The following PRKN variants were observed in gnomAD, a reference collection of about 807,000 sequenced individuals.
The protein encoded by PRKN is parkin RBR E3 ubiquitin protein ligase.
PRKN carries 56 observed loss-of-function variants against 59.5 expected under a neutral mutation model. That is an observed-to-expected ratio of 0.94 (90% CI 0.76 to 1.18). The LOEUF (loss-of-function observed/expected upper bound fraction) is 1.18. Among genes scored for constraint, PRKN ranks in the 50% most tolerant of loss-of-function variants. The pLI, the probability that PRKN is intolerant of heterozygous loss-of-function variation, is 0.00. For synonymous variants in PRKN, 250 were observed against 222.1 expected (o/e 1.13, Z -1.12); for missense variants, 657 against 596.4 (o/e 1.10, Z -1.06).
Position 161,352,820 on chromosome 6 carries a change from G to A in PRKN, c.1286-2609C>T, listed in dbSNP as rs181648589. ...TTTTGAGATGGAGTCTCGCTCTGTC[G>A]CCCAGGCTGGAGTACAGGGCGCGAT... On this transcript the variant is annotated intron_variant, in intron 11 of 11. Transcript: ENST00000366898. The surrounding 1 kb of genome is among the most constrained non-coding windows in gnomAD (Gnocchi z 5.8). Among the ~76,000 whole-genome samples, 42 of 148,376 alleles carry A rather than the reference G, an allele frequency of 2.8e-4. No individual in the cohort carries two copies. The highest frequency in any genetic ancestry group is 9.7e-4 in the African/African-American group (39 of 40,028).
At chr6:161,660,760 C>T (rs907272680) in intron 7 of PRKN, among the ~76,000 whole-genome samples, 4 of 152,162 alleles carry the variant, frequency 2.6e-5, no homozygotes, top group South Asian at 2.1e-4. Flanking sequence ...ATGTCCTTCC[C>T]GATCTCATCC....
chr6:162,298,556 A>G (rs1387125689), intron 2 of PRKN, among the ~76,000 whole-genome samples: 1 of 152,000 alleles, frequency 6.6e-6, no homozygotes, highest in Non-Finnish European at 1.5e-5. Context: ...AGTACTAATG[A>G]AGATATTTCC....
intron 3 of PRKN, among the ~76,000 whole-genome samples, chr6:162,217,074 T>C (rs1777709094): frequency 6.6e-6 from 1 of 152,182 alleles, no homozygotes; most frequent in African/African-American, 2.4e-5. Flanking sequence ...TAAATGTATA[T>C]GCTCAACTAA....
intron 7 of PRKN, among the ~76,000 whole-genome samples, chr6:161,664,654 G>A (rs1425167898): frequency 6.6e-6 from 1 of 152,018 alleles, no homozygotes; most frequent in Admixed American, 6.5e-5. Flanking sequence ...ACTGGCAGAT[G>A]GATTTTTTTC....
intron 6 of PRKN, among the ~76,000 whole-genome samples, chr6:161,852,367 C>T (rs1169053156): frequency 6.6e-6 from 1 of 152,014 alleles, no homozygotes; most frequent in African/African-American, 2.4e-5. Flanking sequence ...GCGGGAGGAT[C>T]ACTTGAACCC....
rs1787332607 is a variant in PRKN at position 161,407,493 on chromosome 6, C to A, written c.1084-20616G>T. On this transcript the variant is annotated intron_variant, in intron 9 of 11. Transcript: ENST00000366898. The surrounding 1 kb of genome is among the most constrained non-coding windows in gnomAD (Gnocchi z 4.9). ...AGTGGCTTGACCAAAGAAAGAAAAGCTCCATCATACTACCATTGTAAACAT... is the reference window on the plus strand; with the variant it reads ...AGTGGCTTGACCAAAGAAAGAAAAGATCCATCATACTACCATTGTAAACAT... 6.6e-6 allele frequency among the ~76,000 whole-genome samples: 1 copy of A among 152,078 alleles called. No individual in the cohort carries two copies. Among genetic ancestry groups the A allele is most frequent in the Non-Finnish European group, 1.5e-5 (1 of 68,018 alleles).
At chr6:162,591,118 G>T (rs902808307) in intron 1 of PRKN, among the ~76,000 whole-genome samples, 1 of 152,124 alleles carries the variant, frequency 6.6e-6, no homozygotes, top group Non-Finnish European at 1.5e-5. Flanking sequence ...ACAAGCCCCA[G>T]ATGGTTGTTA....
chr6:161,601,686 C>T (rs1427364791), intron 7 of PRKN, among the ~76,000 whole-genome samples: 1 of 151,546 alleles, frequency 6.6e-6, no homozygotes, highest in South Asian at 2.1e-4. Flanking sequence ...AGGTTCACGC[C>T]ATTCTCCTGC....
At chr6:161,935,774 G>A (rs193191250) in intron 6 of PRKN, among the ~76,000 whole-genome samples, 5 of 152,278 alleles carry the variant, frequency 3.3e-5, no homozygotes, top group Non-Finnish European at 7.3e-5. Context: ...TAGAAGGGAT[G>A]AGATGATGTT....
At chr6:161,804,616 A>C (rs1444807641) in intron 6 of PRKN, among the ~76,000 whole-genome samples, 1 of 152,260 alleles carries the variant, frequency 6.6e-6, no homozygotes, top group African/African-American at 2.4e-5. Flanking sequence ...GACAAGGTTG[A>C]CAATTCATAG....
rs1791842772 is a variant in PRKN at position 162,473,202 on chromosome 6, A to G, written c.8-29729T>C. Among the ~76,000 whole-genome samples, 2 of 152,196 alleles carry G rather than the reference A, an allele frequency of 1.3e-5. 1 individual carries two copies. The highest frequency in any genetic ancestry group is 2.9e-5 in the Non-Finnish European group (2 of 68,052). Reference sequence around the variant, plus strand: ...AGCCTTTCCCTTTGCTAGGATGCTTACCACAACTGGATATTTCAAGTATGG... The same window carrying G: ...AGCCTTTCCCTTTGCTAGGATGCTTGCCACAACTGGATATTTCAAGTATGG... On this transcript the variant is annotated intron_variant, in intron 1 of 11. Transcript: ENST00000366898.
intron 2 of PRKN, among the ~76,000 whole-genome samples, chr6:162,350,313 T>C (rs1482800560): frequency 6.6e-6 from 1 of 152,144 alleles, no homozygotes; most frequent in African/African-American, 2.4e-5. Flanking sequence ...CTAATCAAAA[T>C]CACAACAGGC....
intron 2 of PRKN, among the ~76,000 whole-genome samples, chr6:162,422,954 CAAAAAAA>C (rs61557917): frequency 4.6e-5 from 3 of 65,700 alleles, no homozygotes; most frequent in Non-Finnish European, 8.5e-5. Flanking sequence ...TCCAAGAGAC[CAAAAAAA>C]AAAAAAAAAA....
intron 2 of PRKN, among the ~76,000 whole-genome samples, chr6:162,359,405 A>T (rs927383777): frequency 2.6e-5 from 4 of 152,064 alleles, no homozygotes; most frequent in African/African-American, 4.8e-5. Context: ...ATGTTAACTC[A>T]CCTTGTCCAA....
chr6:162,442,272 T>A (rs1486812568), intron 2 of PRKN, among the ~76,000 whole-genome samples: 1 of 152,208 alleles, frequency 6.6e-6, no homozygotes, highest in African/African-American at 2.4e-5. Context: ...GGACTTTGTG[T>A]ACTCTGACCC....
In PRKN at chr6:161,525,572, G is replaced by C; in HGVS notation, c.1083+23282C>G. Among the ~76,000 whole-genome samples the C allele has an allele frequency of 6.6e-6, 1 of 152,172 alleles. No individual in the cohort carries two copies. The highest frequency in any genetic ancestry group is 1.9e-4 in the East Asian group (1 of 5,196). ...GAAGGAAAAATGATCAGAAAGCAAA[G>C]AGAGGAAAAGTTTAGTTTATGAGAA... On this transcript the variant is annotated intron_variant, in intron 9 of 11. Coordinates refer to ENST00000366898, the MANE Select transcript of PRKN (RefSeq NM_004562.3). This position sits in a 1 kb window ranked among gnomAD's most constrained non-coding sequence, Gnocchi z 4.7.
chr6:162,545,565 G>T (rs1344643477), intron 1 of PRKN, among the ~76,000 whole-genome samples: 1 of 152,090 alleles, frequency 6.6e-6, no homozygotes, highest in African/African-American at 2.4e-5. Context: ...GCTTGATACA[G>T]CGGTCATATT....
At chr6:162,645,732 T>C (rs2012428) in intron 1 of PRKN, among the ~76,000 whole-genome samples, 93,173 of 151,978 alleles carry the variant, frequency 0.61, 29,296 homozygotes, top group African/African-American at 0.75. Flanking sequence ...ACTGATGAGA[T>C]TGTTTGATAG....
intron 5 of PRKN, among the ~76,000 whole-genome samples, chr6:161,992,694 A>G (rs1311110903): frequency 1.3e-5 from 2 of 152,218 alleles, no homozygotes; most frequent in African/African-American, 2.4e-5. Flanking sequence ...TAGATCATAT[A>G]TTAGGACATA....
Sources: allele counts gnomAD v4.1 joint callset (sites outside exome capture counted in the v4.1 genomes callset), GRCh38; gene constraint gnomAD v4.1.1; non-coding constraint Gnocchi (gnomAD v3.1); transcripts MANE v1.5; gene names NCBI Gene and HGNC (gene_info 2026-07-23, HGNC 2026-07-21).